LPCAT4: variants seen among roughly 807,000 people sequenced by gnomAD.
LPCAT4 encodes the protein lysophospholipid acyltransferase LPCAT4.
Under a neutral mutation model 66.5 loss-of-function variants are expected in LPCAT4, and 30 were observed. That is an observed-to-expected ratio of 0.45 (90% confidence interval 0.34 to 0.61). LPCAT4 has a LOEUF of 0.61. LPCAT4 is among the 20% of genes least tolerant of loss of function. The pLI is 0.01. For synonymous variants in LPCAT4, 253 were observed against 262.1 expected, an observed-to-expected ratio of 0.97 and a Z score of 0.34; for missense variants, 557 against 656.7, an observed-to-expected ratio of 0.85 and a Z score of 1.66.
Position 34,365,677 on chromosome 15 carries a change from C to T in LPCAT4, c.139G>A (p.Ala47Thr), listed in dbSNP as rs1891059483. Reference protein sequence around the residue: ...VKFCLLGALLAPIRVLLAFIV... With the variant: ...VKFCLLGALLTPIRVLLAFIV... ...AAGGCCAGAAGCACTCGGATGGGGG[C>T]CAGCAATGCCCCCAGGAGGCAGAAC... Residue 47 changes from alanine to threonine, a missense_variant, in exon 2 of 14, where the codon GCC becomes ACC. Around this residue, in one of 4 missense-constraint regions of LPCAT4, gnomAD observed 94 missense variants for 71.5 expected, o/e 1.32. Coordinates refer to ENST00000314891, the MANE Select transcript of LPCAT4 (RefSeq NM_153613.3). The T allele has an allele frequency of 1.2e-6, 2 of 1,613,980 alleles. No individual in the cohort carries two copies. The highest frequency in any genetic ancestry group is 2.2e-5 in the East Asian group (1 of 44,880).
chr15:34,366,872 A>C, intron 1 of LPCAT4, 115 bp downstream of exon 1: 1 of 1,481,644 alleles, frequency 6.7e-7, no homozygotes, highest in Non-Finnish European at 9.1e-7. Flanking sequence ...CCCGCTCCGC[A>C]AGCCTCTCAG....
At chr15:34,359,387 C>T in intron 13 of LPCAT4, 85 bp from the exon 14 acceptor site, 2 of 1,365,298 alleles carry the variant, frequency 1.5e-6, no homozygotes, top group East Asian at 2.5e-5. Flanking sequence ...ACTAAAACAC[C>T]TTGTGCCTCT....
rs749438751 is a variant in LPCAT4, at chr15:34,365,155, C to T, written c.331G>A (p.Val111Ile). The T allele has an allele frequency of 1.1e-5, 17 of 1,614,064 alleles. No individual in the cohort carries two copies. The highest frequency in any genetic ancestry group is 8.3e-5 in the Admixed American group (5 of 59,998). ...FFLLGFLRIR[V>I]RGQRASRLQA... ...AGGCGAGAGGCTCGCTGGCCACGAA[C>T]GCGAATCCGGAGGAAGCCCAGCAGG... is the stretch of plus-strand genomic sequence containing the variant. Residue 111 changes from valine (V) to isoleucine (I), a missense_variant, in exon 3 of 14, where the codon GTT becomes ATT. Physicochemically the swap from Val to Ile is conservative, Grantham distance 29. Transcript: ENST00000314891.
At chr15:34,364,097 A>G (rs1263169296) in intron 4 of LPCAT4, 24 bp from the exon 5 acceptor site, 1 of 1,609,804 alleles carries the variant, frequency 6.2e-7, no homozygotes, top group South Asian at 1.1e-5. Flanking sequence ...GAGCAGAATG[A>G]GGTGAAGAAG....
chr15:34,364,809 A>T, intron 3 of LPCAT4, 199 bp downstream of exon 3: 1 of 579,508 alleles, frequency 1.7e-6, no homozygotes. Flanking sequence ...TAGAGAACTG[A>T]CCAGAACTCC....
Position 34,360,214 on chromosome 15 carries a change from T to A in LPCAT4, c.1144-5A>T, listed in dbSNP as rs1325024794. 6.2e-7 allele frequency: 1 copy of A among 1,613,390 alleles called. No individual in the cohort carries two copies. The highest frequency in any genetic ancestry group is 1.1e-5 in the South Asian group (1 of 91,064). ...GTCCACCAAACCCTTGGTATCCTGG[T>A]GTGAAAAAGAAACCAGGGCAATGCG... On this transcript the variant is annotated splice_region_variant and splice_polypyrimidine_tract_variant and intron_variant, in intron 11 of 13. Transcript: ENST00000314891.
intron 10 of LPCAT4, among the ~76,000 whole-genome samples, 157 bp from the exon 11 acceptor site, chr15:34,361,689 T>C (rs1890946147): frequency 6.6e-6 from 1 of 152,202 alleles, no homozygotes; most frequent in South Asian, 2.1e-4. Context: ...GAGCACTTCT[T>C]ACTTTTTTCT....
In LPCAT4 at chr15:34,365,173, C is replaced by G. The variant is rs1481929862; in HGVS notation, c.313G>C (p.Gly105Arg). The change falls in exon 3 of 14, where the codon GGC becomes CGC. Residue 105 changes from glycine to arginine, a missense_variant. Coordinates refer to ENST00000314891, the MANE Select transcript of LPCAT4 (RefSeq NM_153613.3). The stretch of plus-strand genomic sequence containing the variant: ...CCACGAACGCGAATCCGGAGGAAGC[C>G]CAGCAGGAAAAACAGCAGGCGGCTC... Reference protein sequence around the residue: ...GLSRLLFFLLGFLRIRVRGQR... With the variant: ...GLSRLLFFLLRFLRIRVRGQR... 1 of 1,613,934 alleles carries G rather than the reference C, an allele frequency of 6.2e-7. No homozygotes were observed. Among genetic ancestry groups the G allele is most frequent in the Non-Finnish European group, 8.5e-7 (1 of 1,179,982 alleles).
chr15:34,361,529 C>T lies in LPCAT4; in HGVS notation c.1014G>A (p.Leu338=). Residue 338 remains leucine, a synonymous_variant, in exon 11 of 14, where the codon CTG becomes CTA. Coordinates refer to ENST00000314891, the MANE Select transcript of LPCAT4 (RefSeq NM_153613.3). ...CCCCAGCGTCCACATAGCCAGCGGA[C>T]AGCCTACGATGGAATTGTTGAAGGC... The part of the protein sequence containing the change: ...ELGKVLRKAG[L]SAGYVDAGAE... 6.2e-7 allele frequency: 1 copy of T among 1,613,560 alleles called. No homozygotes were observed. Among genetic ancestry groups the T allele is most frequent in the Non-Finnish European group, 8.5e-7 (1 of 1,180,030 alleles).
Position 34,358,897 on chromosome 15 carries a change from C to T in LPCAT4, c.*230G>A, listed in dbSNP as rs537265398. The stretch of plus-strand genomic sequence containing the variant: ...CCCTTTCCTTCCCAAGTAATGGTAA[C>T]ATCAATATGACTGGACTTCATTTTT... On this transcript the variant is annotated 3_prime_UTR_variant, in exon 14 of 14. Transcript: ENST00000314891. The T allele has an allele frequency of 1.1e-5, 2 of 190,380 alleles. No individual in the cohort carries two copies. Among genetic ancestry groups the T allele is most frequent in the East Asian group, 1.2e-4 (1 of 8,300 alleles). 11.8% of individuals were successfully genotyped at this position (190,380 alleles called of 1,614,324 possible).
rs150837009 is a variant in LPCAT4, at chr15:34,362,611, G to A, written c.846C>T (p.Pro282=). 3.0e-5 allele frequency: 47 copies of A among 1,570,654 alleles called. No homozygotes were observed. The highest frequency in any genetic ancestry group is 1.7e-4 in the Middle Eastern group (1 of 5,832). Residue 282 remains proline (P), a synonymous_variant, in exon 9 of 14, where the codon CCC becomes CCT. Coordinates refer to ENST00000314891, the MANE Select transcript of LPCAT4 (RefSeq NM_153613.3). ...YHPSPEESRD[P]TLYANNVQRV... is the part of the protein sequence containing the mutation. ...TCTGAACATTGTTGGCATAGAGGGT[G>A]GGGTCCCTGCTCTCCTCAGGGCTGG...
rs1414211526 is a variant in LPCAT4 at position 34,358,919 on chromosome 15, T to G, written c.*208A>C. On this transcript the variant is annotated 3_prime_UTR_variant, in exon 14 of 14. Coordinates refer to ENST00000314891, the MANE Select transcript of LPCAT4 (RefSeq NM_153613.3). ...TAACATCAATATGACTGGACTTCAT[T>G]TTTTTTAATAGATATAGATATAGAT... 4.6e-6 allele frequency: 1 copy of G among 219,150 alleles called. No homozygotes were observed. Among genetic ancestry groups the G allele is most frequent in the Non-Finnish European group, 8.6e-6 (1 of 115,936 alleles). The allele number at this position is 219,150 out of a possible 1,614,324, so 13.6% of individuals were successfully genotyped here.
intron 7 of LPCAT4, 84 bp from the exon 8 acceptor site, chr15:34,362,920 A>G: frequency 2.2e-6 from 3 of 1,359,630 alleles, no homozygotes; most frequent in Admixed American, 1.9e-5. Flanking sequence ...CCCTTCCCCA[A>G]CCCAGGTGGG....
chr15:34,364,818 C>A, intron 3 of LPCAT4, 190 bp downstream of exon 3: 1 of 588,110 alleles, frequency 1.7e-6, no homozygotes, highest in Non-Finnish European at 3.0e-6. Flanking sequence ...GACCAGAACT[C>A]CCTCCAACAC....
intron 13 of LPCAT4, 29 bp downstream of exon 13, chr15:34,359,560 C>T (rs756903587): frequency 9.4e-6 from 15 of 1,603,120 alleles, no homozygotes; most frequent in Admixed American, 5.1e-5. Context: ...CCCAAGTGCC[C>T]GTGTGGGGCT....
chr15:34,363,799 T>C lies in LPCAT4; in HGVS notation c.653-80A>G. The C allele has an allele frequency of 6.6e-7, 1 of 1,509,282 alleles. No homozygotes were observed. 93.5% of individuals were successfully genotyped at this position (1,509,282 alleles called of 1,614,324 possible). ...AGCTAGAGGGCATGAGGTATGGCAGTCTGGGACAGTTCTCAAATGAGATAT... is the reference window on the plus strand; with the variant it reads ...AGCTAGAGGGCATGAGGTATGGCAGCCTGGGACAGTTCTCAAATGAGATAT... On this transcript the variant is annotated intron_variant, in intron 5 of 13. Transcript: ENST00000314891. This position sits in a 1 kb window ranked among gnomAD's most constrained non-coding sequence, Gnocchi z 4.3.
At chr15:34,364,140 G>T (rs745694304) in intron 4 of LPCAT4, 54 bp downstream of exon 4, 1 of 1,586,684 alleles carries the variant, frequency 6.3e-7, no homozygotes, top group South Asian at 1.1e-5. Flanking sequence ...GGAAAGGGAA[G>T]CCTCTTCAGG....
chr15:34,365,269 T>TCTG, intron 2 of LPCAT4, 41 bp from the exon 3 acceptor site: 1 of 1,556,652 alleles, frequency 6.4e-7, no homozygotes, highest in Non-Finnish European at 8.7e-7. Flanking sequence ...GCAGTGGTTC[T>TCTG]AACCCTCACC....
chr15:34,360,941 C>T (rs950313937), intron 11 of LPCAT4: 5 of 154,352 alleles, frequency 3.2e-5, no homozygotes, highest in African/African-American at 1.2e-4. Flanking sequence ...GAAAATTCCT[C>T]TAGAGAAGCT....
Sources: allele counts gnomAD v4.1 joint callset (sites outside exome capture counted in the v4.1 genomes callset), GRCh38; gene constraint gnomAD v4.1.1; regional missense constraint gnomAD v4.1.1; non-coding constraint Gnocchi (gnomAD v3.1); transcripts MANE v1.5; gene names NCBI Gene and HGNC (gene_info 2026-07-23, HGNC 2026-07-21).